The following KIAA1217 variants were observed in gnomAD, a reference collection of about 807,000 sequenced individuals.
KIAA1217 encodes the protein KIAA1217.
In KIAA1217, 88 loss-of-function variants were observed where a neutral mutation model predicts 163.9. That is an observed-to-expected ratio of 0.54 (90% CI 0.45 to 0.64). KIAA1217 has a LOEUF of 0.64. Ranked by LOEUF, KIAA1217 falls within the 30% of genes least tolerant of loss-of-function variation. The probability of loss-of-function intolerance (pLI) is 0.00; values close to 1 mark genes in which losing one functional copy is unlikely to be tolerated. For synonymous variants in KIAA1217, 903 were observed against 923.1 expected (o/e 0.98, Z 0.39); for missense variants, 2,372 against 2,475.0 (o/e 0.96, Z 0.88).
chr10:24,280,437 A>C (rs1477076326), intron 2 of KIAA1217, among the ~76,000 whole-genome samples: 1 of 152,246 alleles, frequency 6.6e-6, no homozygotes, highest in African/African-American at 2.4e-5. Flanking sequence ...AAGATGCTGA[A>C]TTTCAGCACT....
At chr10:23,876,632 C>T (rs374920642) in intron 1 of KIAA1217, among the ~76,000 whole-genome samples, 1 of 152,086 alleles carries the variant, frequency 6.6e-6, no homozygotes, top group East Asian at 1.9e-4. Context: ...GCCATACACA[C>T]ATCTTCTACA....
chr10:23,722,844 G>C (rs756441992), intron 1 of KIAA1217, among the ~76,000 whole-genome samples: 29 of 152,166 alleles, frequency 1.9e-4, no homozygotes, highest in Non-Finnish European at 4.1e-4. Flanking sequence ...CTTCAGCAAG[G>C]AGATACCATA....
chr10:24,174,213 G>T (rs894021352), intron 2 of KIAA1217, among the ~76,000 whole-genome samples: 10 of 152,264 alleles, frequency 6.6e-5, no homozygotes, highest in African/African-American at 2.4e-4. Flanking sequence ...TATTACCCCT[G>T]CCCAGTATGA....
chr10:24,001,968 C>T (rs907964271), intron 1 of KIAA1217, among the ~76,000 whole-genome samples: 1 of 152,056 alleles, frequency 6.6e-6, no homozygotes, highest in Admixed American at 6.6e-5. Flanking sequence ...AAGCTGGGGT[C>T]ATGAGAGAAC....
At chr10:23,716,171 G>A (rs1160329728) in intron 1 of KIAA1217, among the ~76,000 whole-genome samples, 1 of 152,084 alleles carries the variant, frequency 6.6e-6, no homozygotes, top group Non-Finnish European at 1.5e-5. Flanking sequence ...CATAATAGAT[G>A]TTGTGCACAC....
chr10:23,945,025 C>T (rs1450462186), intron 1 of KIAA1217, among the ~76,000 whole-genome samples: 3 of 149,228 alleles, frequency 2.0e-5, no homozygotes, highest in Non-Finnish European at 3.0e-5. Flanking sequence ...TACCATTGCA[C>T]TCCAGCCTGG....
intron 1 of KIAA1217, among the ~76,000 whole-genome samples, chr10:23,986,896 A>G (rs552426396): frequency 2.0e-5 from 3 of 152,294 alleles, no homozygotes; most frequent in South Asian, 2.1e-4. Flanking sequence ...GTGGCTAGGT[A>G]TGTATGAATA....
chr10:23,987,250 G>A (rs771771312), intron 1 of KIAA1217, among the ~76,000 whole-genome samples: 9 of 151,376 alleles, frequency 5.9e-5, no homozygotes, highest in African/African-American at 1.2e-4. Flanking sequence ...GGTGGTGGAC[G>A]CCTGTAGTCC....
intron 1 of KIAA1217, among the ~76,000 whole-genome samples, chr10:23,943,833 T>C (rs1034762615): frequency 1.3e-5 from 2 of 152,128 alleles, no homozygotes; most frequent in African/African-American, 4.8e-5. Flanking sequence ...GGCAATTCAA[T>C]ATGGAAAGAA....
At chr10:23,832,335 G>T (rs1278529780) in intron 1 of KIAA1217, among the ~76,000 whole-genome samples, 1 of 152,176 alleles carries the variant, frequency 6.6e-6, no homozygotes, top group African/African-American at 2.4e-5. Context: ...TGGAGGAAGG[G>T]TGCAGAGATC....
At chr10:24,282,921 C>T (rs2078123797) in intron 2 of KIAA1217, among the ~76,000 whole-genome samples, 1 of 150,324 alleles carries the variant, frequency 6.7e-6, no homozygotes, top group Non-Finnish European at 1.5e-5. Context: ...GCAACCTCCG[C>T]CTTCCAGGTT....
chr10:24,223,808 G>A lies in KIAA1217; in HGVS notation c.354+3899G>A, dbSNP rs564572195. On this transcript the variant is annotated intron_variant, in intron 2 of 20. Transcript: ENST00000376454. ...GGCTCACTGCAGCCTCAACCTCCGC[G>A]GCTCAAGCAATCCTCCCACCCCAGC... 5.3e-5 allele frequency among the ~76,000 whole-genome samples: 8 copies of A among 149,676 alleles called. No homozygotes were observed. In the South Asian group the frequency reaches 8.6e-4, roughly 16 times the overall value.
intron 1 of KIAA1217, among the ~76,000 whole-genome samples, chr10:23,829,884 A>T (rs960036769): frequency 6.6e-6 from 1 of 152,256 alleles, no homozygotes; most frequent in African/African-American, 2.4e-5. Flanking sequence ...AATTGAGCTC[A>T]TGTTGTGAAA....
At chr10:24,530,423 G>T (rs920517544) in intron 14 of KIAA1217, among the ~76,000 whole-genome samples, 2 of 152,132 alleles carry the variant, frequency 1.3e-5, no homozygotes, top group Non-Finnish European at 2.9e-5. Flanking sequence ...GGTAGCATCC[G>T]TGACCTGTAA....
At chr10:24,147,018 A>C (rs911941224) in intron 2 of KIAA1217, among the ~76,000 whole-genome samples, 5 of 151,676 alleles carry the variant, frequency 3.3e-5, no homozygotes, top group African/African-American at 1.2e-4. Flanking sequence ...AAAAAAAAAA[A>C]AAAAAAAAAA....
chr10:23,831,435 C>T (rs1423897675), intron 1 of KIAA1217, among the ~76,000 whole-genome samples: 1 of 151,998 alleles, frequency 6.6e-6, no homozygotes, highest in Non-Finnish European at 1.5e-5. Context: ...TCAAACAACT[C>T]GATAGCCCAT....
rs138497798 is a variant in KIAA1217, at chr10:24,035,815, T to C, written c.-171+28441T>C. Among the ~76,000 whole-genome samples, 38 of 152,336 alleles carry C rather than the reference T, an allele frequency of 2.5e-4. No individual in the cohort carries two copies. The East Asian group carries it at 6.6e-3, about 26-fold the overall frequency. On this transcript the variant is annotated intron_variant, in intron 2 of 18. Coordinates refer to the KIAA1217 transcript ENST00000376462. Reference sequence around the variant, plus strand: ...TTCATGTGCTGCCAAAAAAGCGAAGTTGGCTATGCCTTTGGGATTTGGAAA... The same window carrying C: ...TTCATGTGCTGCCAAAAAAGCGAAGCTGGCTATGCCTTTGGGATTTGGAAA...
At chr10:24,104,769 G>A (rs539001026) in intron 2 of KIAA1217, among the ~76,000 whole-genome samples, 7 of 152,176 alleles carry the variant, frequency 4.6e-5, no homozygotes, top group African/African-American at 1.4e-4. Flanking sequence ...AAAAGTAGAC[G>A]GTGACTTTCT....
chr10:24,531,508 G>C (rs1387245821), intron 14 of KIAA1217, among the ~76,000 whole-genome samples: 2 of 151,996 alleles, frequency 1.3e-5, no homozygotes, highest in Admixed American at 1.3e-4. Flanking sequence ...AATAATAGTA[G>C]GTAATACTTT....
Sources: gnomAD v4.1 joint callset for allele counts (sites outside exome capture counted in the v4.1 genomes callset) on GRCh38, gnomAD v4.1.1 for gene constraint, MANE v1.5 for transcripts, NCBI Gene and HGNC (gene_info 2026-07-23, HGNC 2026-07-21) for gene names.